The following ADAMTSL2 variants were observed in gnomAD, a reference collection of about 807,000 sequenced individuals.
ADAMTSL2 encodes ADAMTS like 2.
ADAMTSL2 carries 55 observed loss-of-function variants against 117.0 expected under a neutral mutation model. The ratio of observed to expected loss-of-function variants is 0.47; its 90% CI spans 0.38 to 0.59. The LOEUF is 0.59. Among genes scored for constraint, ADAMTSL2 ranks in the 20% least tolerant of loss-of-function variants. ADAMTSL2 has a pLI of 0.00. For synonymous variants in ADAMTSL2, 572 were observed against 566.4 expected, an observed-to-expected ratio of 1.01 and a Z score of -0.14; for missense variants, 1,182 against 1,354.5, an observed-to-expected ratio of 0.87 and a Z score of 2.00.
In ADAMTSL2 at chr9:133,565,079, C is replaced by T. The variant is rs1830933588; in HGVS notation, c.1748-1857C>T. 1.3e-5 allele frequency among the ~76,000 whole-genome samples: 2 copies of T among 152,138 alleles called. 1 individual carries two copies. The highest frequency in any genetic ancestry group is 1.3e-4 in the Admixed American group (2 of 15,278). On this transcript the variant is annotated intron_variant, in intron 12 of 18. Transcript: ENST00000651351. ...ATAGGTGGAAGTTTCTGCTGCCCTTCGGCGCTCCAGGGCACCGTGGTGAGG... is the reference window on the plus strand; with the variant it reads ...ATAGGTGGAAGTTTCTGCTGCCCTTTGGCGCTCCAGGGCACCGTGGTGAGG...
In ADAMTSL2 at chr9:133,573,998, G is replaced by A; in HGVS notation, c.2737+11G>A. On this transcript the variant is annotated intron_variant, in intron 18 of 18. Transcript: ENST00000651351. ...CCACGGAGCCCCCAGGTGAGGCGCG[G>A]GGAGGCCGAGGGTGGCTCTGGGAAT... 1 of 1,608,628 alleles carries A rather than the reference G, an allele frequency of 6.2e-7. No individual in the cohort carries two copies. Among genetic ancestry groups the A allele is most frequent in the Non-Finnish European group, 8.5e-7 (1 of 1,177,888 alleles).
At chr9:133,541,598 C>T (rs773119634) in intron 7 of ADAMTSL2, among the ~76,000 whole-genome samples, 1 of 152,184 alleles carries the variant, frequency 6.6e-6, no homozygotes, top group Non-Finnish European at 1.5e-5. Flanking sequence ...TAACACCACA[C>T]TTTAAAAAGG....
chr9:133,535,756 G>T (rs968971462), intron 1 of ADAMTSL2, among the ~76,000 whole-genome samples: 1 of 152,198 alleles, frequency 6.6e-6, no homozygotes, highest in Non-Finnish European at 1.5e-5. Context: ...TCTCTAACTC[G>T]CTGGCAAGTG....
intron 17 of ADAMTSL2, 73 bp from the exon 18 acceptor site, chr9:133,573,770 G>T: frequency 6.3e-7 from 1 of 1,596,984 alleles, no homozygotes; most frequent in Non-Finnish European, 8.6e-7. Context: ...GAGTGTGCAG[G>T]TTCCCCGCCC....
intron 8 of ADAMTSL2, among the ~76,000 whole-genome samples, chr9:133,544,986 G>A (rs181070457): frequency 2.6e-5 from 4 of 152,268 alleles, no homozygotes; most frequent in Non-Finnish European, 5.9e-5. Context: ...GTCTCATGCT[G>A]ATGTTCTTGC....
chr9:133,536,347 C>T (rs1024493936), intron 1 of ADAMTSL2, among the ~76,000 whole-genome samples: 5 of 152,218 alleles, frequency 3.3e-5, no homozygotes, highest in South Asian at 2.1e-4. Context: ...CCCCCTCAGC[C>T]GAGGCTGGCT....
Position 133,552,488 on chromosome 9 carries a change from G to A in ADAMTSL2, c.940-1869G>A, listed in dbSNP as rs1830510548. 5.3e-5 allele frequency among the ~76,000 whole-genome samples: 8 copies of A among 152,336 alleles called. No individual in the cohort carries two copies. The South Asian group carries it at 1.7e-3, about 32-fold the overall frequency. On this transcript the variant is annotated intron_variant, in intron 9 of 18. Coordinates refer to ENST00000651351, the MANE Select transcript of ADAMTSL2 (RefSeq NM_014694.4). ...TGCCTTTATAGTGTATTGTAATTGGGAGCGGGAGCGTAAGTGTAGCCCTGG... is the reference window on the plus strand; with the variant it reads ...TGCCTTTATAGTGTATTGTAATTGGAAGCGGGAGCGTAAGTGTAGCCCTGG...
Position 133,547,195 on chromosome 9 carries a change from C to T in ADAMTSL2, c.921C>T (p.Asn307=), listed in dbSNP as rs1389975583. 3 of 1,613,434 alleles carry T rather than the reference C, an allele frequency of 1.9e-6. No homozygotes were observed. Among genetic ancestry groups the T allele is most frequent in the Admixed American group, 1.7e-5 (1 of 60,002 alleles). The stretch of plus-strand genomic sequence containing the variant: ...ACATCGTGGCACAGGGGCCCACCAA[C>T]CAGGGCCTGAATGTCATGGTACGTG... ...IEYIVAQGPT[N]QGLNVMVWNQ... is the part of the protein sequence containing the mutation. Residue 307 remains asparagine (N), a synonymous_variant, in exon 9 of 19, where the codon AAC becomes AAT. Transcript: ENST00000651351.
At chr9:133,561,938 G>A (rs776984880) in intron 12 of ADAMTSL2, among the ~76,000 whole-genome samples, 6 of 152,316 alleles carry the variant, frequency 3.9e-5, no homozygotes, top group Admixed American at 6.5e-5. Context: ...GGGGGATGCC[G>A]CGAGGTCTGA....
In ADAMTSL2 at chr9:133,554,788, C is replaced by CTT; in HGVS notation, c.1276+95_1276+96insTT. 2 of 1,170,642 alleles carry CTT rather than the reference C, an allele frequency of 1.7e-6. No homozygotes were observed. The highest frequency in any genetic ancestry group is 2.3e-6 in the Non-Finnish European group (2 of 854,112). 72.5% of individuals were successfully genotyped at this position (1,170,642 alleles called of 1,614,324 possible). A position where few individuals can be genotyped will look rare whatever the true frequency, so the allele number is the denominator to read the frequency against. ...GGGTCTCAGACCCTTTGCAGACCTGCAGAGGAGGTTCCTAAGAGCTGCCAG... is the reference window on the plus strand; with the variant it reads ...GGGTCTCAGACCCTTTGCAGACCTGCTTAGAGGAGGTTCCTAAGAGCTGCCAG... On this transcript the variant is annotated intron_variant, in intron 10 of 18. Transcript: ENST00000651351. This position sits in a 1 kb window ranked among gnomAD's most constrained non-coding sequence, Gnocchi z 5.2.
chr9:133,550,307 G>A (rs962998545), intron 9 of ADAMTSL2, among the ~76,000 whole-genome samples: 4 of 152,242 alleles, frequency 2.6e-5, no homozygotes, highest in East Asian at 1.9e-4. Flanking sequence ...CCTCACGGGC[G>A]TGCTGCCTTT....
intron 9 of ADAMTSL2, among the ~76,000 whole-genome samples, chr9:133,553,230 C>T (rs988010363): frequency 5.3e-5 from 8 of 152,140 alleles, no homozygotes; most frequent in African/African-American, 1.7e-4. Flanking sequence ...AGTGTATTGA[C>T]GCAGATCCCC....
chr9:133,566,913 A>G, intron 12 of ADAMTSL2, 23 bp from the exon 13 acceptor site: 1 of 1,598,130 alleles, frequency 6.3e-7, no homozygotes, highest in Non-Finnish European at 8.5e-7. Flanking sequence ...TGGCTCACAG[A>G]CCCACCCCTG....
At position 133,558,533 on chromosome 9, in the gene ADAMTSL2, G is replaced by A. The variant is rs960586846; in HGVS notation, c.1649+2603G>A. On this transcript the variant is annotated intron_variant, in intron 11 of 18. Transcript: ENST00000651351. The surrounding 1 kb of genome is among the most constrained non-coding windows in gnomAD (Gnocchi z 4.3). ...ACGCGGAGTCCCTCTCCGCAGCCTT[G>A]GGGGGAGAGAAGAACAGAGCACTTT... 6.6e-6 allele frequency among the ~76,000 whole-genome samples: 1 copy of A among 152,212 alleles called. No individual in the cohort carries two copies. The highest frequency in any genetic ancestry group is 2.4e-5 in the African/African-American group (1 of 41,462).
At chr9:133,572,184 C>T (rs1267181842) in intron 17 of ADAMTSL2, among the ~76,000 whole-genome samples, 2 of 150,362 alleles carry the variant, frequency 1.3e-5, no homozygotes, top group African/African-American at 2.4e-5. Flanking sequence ...CACCCCCCAC[C>T]CCCCACCCCG....
chr9:133,563,093 A>G (rs62574220), intron 12 of ADAMTSL2, among the ~76,000 whole-genome samples: 3,255 of 152,374 alleles, frequency 0.021, 47 homozygotes, highest in Middle Eastern at 0.078. Flanking sequence ...CTTCCGAGCC[A>G]CTGTTTTCCA....
chr9:133,532,276 A>C (rs1235023441), upstream of ADAMTSL2: 1 of 151,960 alleles, frequency 6.6e-6, no homozygotes, highest in African/African-American at 2.4e-5. Context: ...GGCTCACTGC[A>C]ACCTCCACCT....
At chr9:133,572,249 C>T (rs1160366317) in intron 17 of ADAMTSL2, among the ~76,000 whole-genome samples, 1 of 148,482 alleles carries the variant, frequency 6.7e-6, no homozygotes, top group African/African-American at 2.5e-5. Context: ...AGGGAGAACA[C>T]ACACTCACTC....
chr9:133,572,180 C>T (rs1420268733), intron 17 of ADAMTSL2, among the ~76,000 whole-genome samples: 1 of 150,286 alleles, frequency 6.7e-6, no homozygotes, highest in Non-Finnish European at 1.5e-5. Flanking sequence ...CCGCCACCCC[C>T]CACCCCCCAC....
Sources: gnomAD v4.1 joint callset for allele counts (sites outside exome capture counted in the v4.1 genomes callset) on GRCh38, gnomAD v4.1.1 for gene constraint, Gnocchi (gnomAD v3.1) non-coding constraint, MANE v1.5 for transcripts, NCBI Gene and HGNC (gene_info 2026-07-23, HGNC 2026-07-21) for gene names.